Variants in UGGT2 observed in about 807,000 individuals in gnomAD.
UGGT2 encodes the protein UDP-glucose glycoprotein glucosyltransferase 2, also known as UDP-glucose:glycoprotein glucosyltransferase 2.
In UGGT2, 180 loss-of-function variants were observed where a neutral mutation model predicts 192.1. The observed-to-expected ratio is 0.94, with a 90% CI of 0.83 to 1.06. The LOEUF is 1.06. Ranked by LOEUF, UGGT2 falls within the 50% of genes least tolerant of loss-of-function variation. The probability of loss-of-function intolerance (pLI) is 0.00; values close to 1 mark genes in which losing one functional copy is unlikely to be tolerated. For synonymous variants in UGGT2, 580 were observed against 591.0 expected (o/e 0.98, Z 0.27); for missense variants, 1,849 against 1,795.7 (o/e 1.03, Z -0.54).
intron 36 of UGGT2, among the ~76,000 whole-genome samples, chr13:95,837,825 G>C (rs1366786695): frequency 1.3e-5 from 2 of 152,248 alleles, no homozygotes; most frequent in East Asian, 3.9e-4. Flanking sequence ...TTATATTCAA[G>C]AGCAAAGGCA....
At chr13:96,030,791 T>C (rs1481613335) in intron 2 of UGGT2, among the ~76,000 whole-genome samples, 1 of 152,230 alleles carries the variant, frequency 6.6e-6, no homozygotes, top group African/African-American at 2.4e-5. Flanking sequence ...TAATAAACAC[T>C]TTTTAATTCT....
intron 12 of UGGT2, among the ~76,000 whole-genome samples, chr13:95,969,659 C>T (rs1359024518): frequency 6.6e-6 from 1 of 152,220 alleles, no homozygotes; most frequent in East Asian, 1.9e-4. Flanking sequence ...GACCACTTCT[C>T]TGCTTAAGCA....
intron 20 of UGGT2, among the ~76,000 whole-genome samples, chr13:95,917,153 G>A (rs1383799622): frequency 6.6e-6 from 1 of 152,152 alleles, no homozygotes; most frequent in Non-Finnish European, 1.5e-5. Flanking sequence ...CAGACAGAAA[G>A]GCTAGGTCAT....
chr13:96,033,684 A>C (rs1594614582), intron 1 of UGGT2, among the ~76,000 whole-genome samples: 1 of 152,166 alleles, frequency 6.6e-6, no homozygotes, highest in African/African-American at 2.4e-5. Flanking sequence ...GCAAAGTTGC[A>C]CCTGAGCCTA....
intron 20 of UGGT2, among the ~76,000 whole-genome samples, chr13:95,908,368 G>A (rs1372313235): frequency 6.6e-6 from 1 of 152,122 alleles, no homozygotes; most frequent in Non-Finnish European, 1.5e-5. Flanking sequence ...AGCAAGGCAG[G>A]CCAATGTTCA....
intron 20 of UGGT2, among the ~76,000 whole-genome samples, chr13:95,910,757 C>T (rs898297920): frequency 6.6e-6 from 1 of 152,184 alleles, no homozygotes. Flanking sequence ...ATCTACAGAA[C>T]TCTCCACCCC....
At chr13:95,819,869 C>T (rs540100401) in intron 38 of UGGT2, among the ~76,000 whole-genome samples, 31 of 152,096 alleles carry the variant, frequency 2.0e-4, no homozygotes, top group African/African-American at 7.2e-4. Context: ...AAATAAGGAA[C>T]GAAATAGGCC....
chr13:95,990,167 T>A (rs1192973760), intron 7 of UGGT2, 94 bp from the exon 8 acceptor site: 2 of 635,634 alleles, frequency 3.1e-6, no homozygotes, highest in African/African-American at 3.7e-5. Context: ...TCCATGTAAT[T>A]AGACATAAAT....
chr13:95,833,031 T>A lies in UGGT2; in HGVS notation c.4424A>T (p.Glu1475Val). The change falls in exon 38 of 39, where the codon GAA becomes GTA. Residue 1475 changes from glutamate to valine, a missense_variant. Glu to Val is a moderately radical substitution (Grantham distance 121). Transcript: ENST00000376747. Reference protein sequence around the residue: ...IDLCNNPKTKESKLKAAARIV... With the variant: ...IDLCNNPKTKVSKLKAAARIV... The stretch of plus-strand genomic sequence containing the variant: ...TCTGGCAGCAGCTTTTAGTTTGGAT[T>A]CTTTTGTTTTGGGATTATTGCACTA... The A allele has an allele frequency of 1.2e-6, 2 of 1,612,400 alleles. No homozygotes were observed. The highest frequency in any genetic ancestry group is 1.7e-6 in the Non-Finnish European group (2 of 1,178,942).
At chr13:95,980,716 T>G (rs753725668) in intron 10 of UGGT2, among the ~76,000 whole-genome samples, 1 of 152,210 alleles carries the variant, frequency 6.6e-6, no homozygotes, top group Non-Finnish European at 1.5e-5. Context: ...CAGTGTGTGC[T>G]CTTCAGAGCT....
At position 95,927,034 on chromosome 13, in the gene UGGT2, G is replaced by C. The variant is rs745831486; in HGVS notation, c.2194C>G (p.Gln732Glu). ...AATAAAATATGCTTATTACCGTCTT[G>C]GGTTAAATAATACATGTTCTTTGCA... ...VIAKNMYYLTQDDESIISAVT... is the reference protein window; with the variant it reads ...VIAKNMYYLTEDDESIISAVT... The change falls in exon 19 of 39, where the codon CAA becomes GAA. Residue 732 changes from glutamine to glutamate, a missense_variant. Coordinates refer to ENST00000376747, the MANE Select transcript of UGGT2 (RefSeq NM_020121.4). 7 of 1,602,816 alleles carry C rather than the reference G, an allele frequency of 4.4e-6. No homozygotes were observed. The highest frequency in any genetic ancestry group is 6.0e-6 in the Non-Finnish European group (7 of 1,176,384).
rs1442202229 is a variant in UGGT2, at chr13:95,846,286, G to A, written c.4284+7257C>T. ...AAAAAAATATGAAAACCAGTCAGGC[G>A]TGGCAGCGCGCGCCTGCAATCCCAG... On this transcript the variant is annotated intron_variant, in intron 36 of 38. Transcript: ENST00000376747. Among the ~76,000 whole-genome samples, 22 of 152,150 alleles carry A rather than the reference G, an allele frequency of 1.4e-4. 1 individual carries two copies. The highest frequency in any genetic ancestry group is 2.9e-5 in the Non-Finnish European group (2 of 68,024).
chr13:95,885,716 T>C (rs2047626380), intron 26 of UGGT2, among the ~76,000 whole-genome samples: 1 of 152,116 alleles, frequency 6.6e-6, no homozygotes, highest in Admixed American at 6.5e-5. Flanking sequence ...CAGGAGAGAA[T>C]ACAGTCATGA....
chr13:95,995,369 A>T (rs1333522370), intron 7 of UGGT2: 2 of 152,072 alleles, frequency 1.3e-5, no homozygotes, highest in African/African-American at 4.8e-5. Flanking sequence ...TTTTTTAAAA[A>T]AAGAAACAAC....
chr13:95,978,681 C>G (rs2051018722), intron 10 of UGGT2, among the ~76,000 whole-genome samples: 2 of 152,070 alleles, frequency 1.3e-5, no homozygotes, highest in South Asian at 4.1e-4. Context: ...AGTCTTTAAC[C>G]CCTATTGATT....
chr13:95,914,751 C>T (rs531365734), intron 20 of UGGT2, among the ~76,000 whole-genome samples: 4 of 151,452 alleles, frequency 2.6e-5, no homozygotes, highest in Non-Finnish European at 5.9e-5. Flanking sequence ...TGCAGTGAGC[C>T]GAGACTGCAT....
chr13:95,863,393 T>C (rs1463782709), intron 31 of UGGT2: 2 of 355,602 alleles, frequency 5.6e-6, no homozygotes, highest in African/African-American at 4.1e-5. Context: ...TTTCCCAAGG[T>C]TCCTTGTAAG....
intron 10 of UGGT2, among the ~76,000 whole-genome samples, chr13:95,974,415 A>G (rs1163121886): frequency 1.3e-5 from 2 of 152,198 alleles, no homozygotes; most frequent in Admixed American, 6.5e-5. Flanking sequence ...GTGGAGCTCA[A>G]TTGTAAGTAC....
chr13:95,843,641 C>G (rs552079419), intron 36 of UGGT2, among the ~76,000 whole-genome samples: 13 of 152,050 alleles, frequency 8.5e-5, no homozygotes, highest in Admixed American at 3.9e-4. Flanking sequence ...TTTTTACTTA[C>G]GGCATATTAG....
Sources: gnomAD v4.1 joint callset for allele counts (sites outside exome capture counted in the v4.1 genomes callset) on GRCh38, gnomAD v4.1.1 for gene constraint, MANE v1.5 for transcripts, NCBI Gene and HGNC (gene_info 2026-07-23, HGNC 2026-07-21) for gene names.